Variants in SPTB observed in about 807,000 individuals in gnomAD.
SPTB encodes spectrin beta, erythrocytic.
A neutral mutation model predicts 256.2 loss-of-function variants in SPTB; 45 were observed. The observed-to-expected ratio is 0.18, with a 90% confidence interval of 0.14 to 0.23. SPTB has a LOEUF of 0.23. SPTB is among the 10% of genes least tolerant of loss of function. The probability of loss-of-function intolerance (pLI) is 1.00; values close to 1 mark genes in which losing one functional copy is unlikely to be tolerated. For missense variants in SPTB, 2,715 were observed against 3,040.4 expected (o/e 0.89, Z 2.52); for synonymous variants, 1,231 against 1,243.1 (o/e 0.99, Z 0.21).
chr14:64,803,463 T>C, intron 4 of SPTB, 144 bp downstream of exon 4: 1 of 1,028,582 alleles, frequency 9.7e-7, no homozygotes, highest in East Asian at 2.5e-5. Context: ...TACTCCTTCC[T>C]ACAAGCACTG....
At chr14:64,751,279 C>G (rs927565878) in intron 33 of SPTB, among the ~76,000 whole-genome samples, 2 of 151,732 alleles carry the variant, frequency 1.3e-5, no homozygotes, top group Admixed American at 6.6e-5. Flanking sequence ...GCCACCACAC[C>G]CAGCTAATTT....
chr14:64,861,506 CT>C (rs1034265347), intron 1 of SPTB, among the ~76,000 whole-genome samples: 22 of 152,266 alleles, frequency 1.4e-4, no homozygotes, highest in African/African-American at 5.3e-4. Context: ...CACTGACCGG[CT>C]CCCCCACCCA....
chr14:64,804,058 C>T (rs547963150), intron 3 of SPTB, among the ~76,000 whole-genome samples: 27 of 152,214 alleles, frequency 1.8e-4, no homozygotes, highest in South Asian at 2.1e-4. Context: ...CATTTGCTTA[C>T]GGTAACATAA....
At position 64,791,843 on chromosome 14, in the gene SPTB, C is replaced by G; in HGVS notation, c.2680G>C (p.Asp894His). The change falls in exon 15 of 36, where the codon GAC becomes CAC. Residue 894 changes from aspartate (D) to histidine (H), a missense_variant. Physicochemically the swap from Asp to His is moderately conservative, Grantham distance 81. Transcript: ENST00000644917. ...GTCATCAAGGTCTTCATCTCCTGGTCCAGGATGTCGAACCTGATATGGGCA... is the reference window on the plus strand; with the variant it reads ...GTCATCAAGGTCTTCATCTCCTGGTGCAGGATGTCGAACCTGATATGGGCA... ...EVVQHRFDIL[D>H]QEMKTLMTQI... The G allele has an allele frequency of 3.1e-6, 5 of 1,614,170 alleles. No individual in the cohort carries two copies. The highest frequency in any genetic ancestry group is 4.2e-6 in the Non-Finnish European group (5 of 1,180,042).
intron 33 of SPTB, among the ~76,000 whole-genome samples, chr14:64,752,807 G>A (rs1430332396): frequency 6.6e-6 from 1 of 152,124 alleles, no homozygotes; most frequent in East Asian, 1.9e-4. Context: ...GCTGTCCCTG[G>A]GAATATGGCT....
chr14:64,753,448 A>G lies in SPTB; in HGVS notation c.6602+89T>C, dbSNP rs912761338. 9.4e-6 allele frequency: 15 copies of G among 1,598,676 alleles called. No homozygotes were observed. The Admixed American group carries it at 1.0e-4, about 11-fold the overall frequency. ...AGGCAGAAGGCACCCCTCCCCCAGC[A>G]CATGCCCATGTCACCAAGGCTCTGC... On this transcript the variant is annotated intron_variant, in intron 33 of 35. Transcript: ENST00000644917.
Position 64,808,314 on chromosome 14 carries a change from C to T in SPTB, c.149-3224G>A, listed in dbSNP as rs556416358. Among the ~76,000 whole-genome samples the T allele has an allele frequency of 7.2e-5, 11 of 152,160 alleles. No individual in the cohort carries two copies. In the South Asian group the frequency reaches 2.1e-3, roughly 29 times the overall value. Reference sequence around the variant, plus strand: ...GGCATGAGCCACCGTGCATGGCCCTCTCTGTTCCTTTCTTTCCCTTTCCTT... The same window carrying T: ...GGCATGAGCCACCGTGCATGGCCCTTTCTGTTCCTTTCTTTCCCTTTCCTT... On this transcript the variant is annotated intron_variant, in intron 2 of 35. Transcript: ENST00000644917.
chr14:64,761,367 G>A (rs1213262618), intron 32 of SPTB, among the ~76,000 whole-genome samples: 1 of 152,224 alleles, frequency 6.6e-6, no homozygotes, highest in Non-Finnish European at 1.5e-5. Context: ...AAAGGAGAAA[G>A]CAGAAGCTGT....
chr14:64,849,115 T>A (rs1218055394), intron 1 of SPTB, among the ~76,000 whole-genome samples: 2 of 152,258 alleles, frequency 1.3e-5, no homozygotes, highest in Non-Finnish European at 2.9e-5. Context: ...TTATTTATCC[T>A]CCTTTGTGTA....
rs757201845 is a variant in SPTB, at chr14:64,793,262, G to A, written c.2401C>T (p.His801Tyr). 1.1e-5 allele frequency: 17 copies of A among 1,607,370 alleles called. No individual in the cohort carries two copies. In the South Asian group the frequency reaches 1.4e-4, roughly 13 times the overall value. Reference sequence around the variant, plus strand: ...AATCCCTGGGCCTGCTGCTCCAGGTGCTCCATCACCCCACGGCTCTCCTCC... The same window carrying A: ...AATCCCTGGGCCTGCTGCTCCAGGTACTCCATCACCCCACGGCTCTCCTCC... Reference protein sequence around the residue: ...ELEESRGVMEHLEQQAQGFPE... With the variant: ...ELEESRGVMEYLEQQAQGFPE... Residue 801 changes from histidine to tyrosine, a missense_variant, in exon 14 of 36, where the codon CAC becomes TAC. His to Tyr is a moderately conservative substitution (Grantham distance 83, BLOSUM62 2). Around this residue, in one of 4 missense-constraint regions of SPTB, gnomAD observed 2,239 missense variants for 2,384.4 expected, o/e 0.94. Transcript: ENST00000644917. The surrounding 1 kb of genome is among the most constrained non-coding windows in gnomAD (Gnocchi z 7.0).
chr14:64,800,319 A>G (rs1305839765), intron 8 of SPTB, among the ~76,000 whole-genome samples: 3 of 152,250 alleles, frequency 2.0e-5, no homozygotes, highest in African/African-American at 7.2e-5. Context: ...AACATGAGGC[A>G]CAGAGATGAA....
intron 32 of SPTB, among the ~76,000 whole-genome samples, chr14:64,765,805 GGTGTGTGTGTGTGTGA>G (rs1419494544): frequency 1.3e-4 from 19 of 149,068 alleles, no homozygotes; most frequent in South Asian, 4.3e-4. Context: ...GAGTGATTGG[GGTGTGTGTGTGTGTGA>G]GTGTGTGTGT....
In SPTB at chr14:64,750,036, C is replaced by T; in HGVS notation, c.6721G>A (p.Ala2241Thr). ...TAGTTGGCAGCAATCTCACAGATGG[C>T]ATGTCTCAGGGCCAGGGGTTCCTCC... ...HGEEPLALRHAICEIAANYKK... is the reference protein window; with the variant it reads ...HGEEPLALRHTICEIAANYKK... Residue 2241 changes from alanine (A) to threonine (T), a missense_variant, in exon 34 of 36, where the codon GCC becomes ACC. Physicochemically the swap from Ala to Thr is moderately conservative, Grantham distance 58. Around this residue, in one of 4 missense-constraint regions of SPTB, gnomAD observed 2,239 missense variants for 2,384.4 expected, o/e 0.94. Coordinates refer to ENST00000644917, the MANE Select transcript of SPTB (RefSeq NM_001355436.2). 6.2e-7 allele frequency: 1 copy of T among 1,614,242 alleles called. No individual in the cohort carries two copies. The highest frequency in any genetic ancestry group is 8.5e-7 in the Non-Finnish European group (1 of 1,180,044).
In SPTB at chr14:64,797,783, G is replaced by T; in HGVS notation, c.1128C>A (p.Asn376Lys). Reference protein sequence around the residue: ...LFTIQSRMRANNQKVYTPHDG... With the variant: ...LFTIQSRMRAKNQKVYTPHDG... ...CGTGGGGTGTGTACACTTTCTGATT[G>T]TTGGCTCTCATCCGGGACTGGATGG... Residue 376 changes from asparagine (N) to lysine (K), a missense_variant, in exon 10 of 36, where the codon AAC (asparagine) becomes AAA (lysine). Asn to Lys is a moderately conservative substitution (Grantham distance 94). Transcript: ENST00000644917. The T allele has an allele frequency of 6.2e-7, 1 of 1,614,148 alleles. No individual in the cohort carries two copies.
In SPTB at chr14:64,802,649, T is replaced by C. The variant is rs1437473480; in HGVS notation, c.475-332A>G. Among the ~76,000 whole-genome samples the C allele has an allele frequency of 2.6e-5, 4 of 152,188 alleles. No homozygotes were observed. The highest frequency in any genetic ancestry group is 9.7e-5 in the African/African-American group (4 of 41,430). ...ACAAACATTGATTCTGTTCCTATTA[T>C]GTGGCAGCGCTGTGCTAGGCCTGAG... On this transcript the variant is annotated intron_variant, in intron 4 of 35. Transcript: ENST00000644917. The surrounding 1 kb of genome is among the most constrained non-coding windows in gnomAD (Gnocchi z 5.1).
At position 64,760,979 on chromosome 14, in the gene SPTB, T is replaced by A. The variant is rs2082085707; in HGVS notation, c.6345+5747A>T. Among the ~76,000 whole-genome samples the A allele has an allele frequency of 6.6e-6, 1 of 152,208 alleles. No individual in the cohort carries two copies. ...TGCCCGATGGGGTTCACAGTCTAAATGAGATGATCCTGGCTTATGCAAAAC... is the reference window on the plus strand; with the variant it reads ...TGCCCGATGGGGTTCACAGTCTAAAAGAGATGATCCTGGCTTATGCAAAAC... On this transcript the variant is annotated intron_variant, in intron 32 of 35. Coordinates refer to ENST00000644917, the MANE Select transcript of SPTB (RefSeq NM_001355436.2). This position sits in a 1 kb window ranked among gnomAD's most constrained non-coding sequence, Gnocchi z 4.3.
chr14:64,789,760 G>T (rs1000093700), intron 15 of SPTB, among the ~76,000 whole-genome samples: 3 of 152,316 alleles, frequency 2.0e-5, no homozygotes, highest in Non-Finnish European at 4.4e-5. Flanking sequence ...TAGAATGTAA[G>T]ATAGGATATG....
intron 1 of SPTB, among the ~76,000 whole-genome samples, chr14:64,878,322 G>A (rs1594868088): frequency 6.6e-6 from 1 of 152,080 alleles, no homozygotes; most frequent in Non-Finnish European, 1.5e-5. Context: ...TAGCCTGCAA[G>A]CCTCCAGGCA....
chr14:64,834,537 C>T (rs887647142), intron 1 of SPTB, among the ~76,000 whole-genome samples: 2 of 151,722 alleles, frequency 1.3e-5, no homozygotes, highest in African/African-American at 4.8e-5. Context: ...ACAGTTCTCC[C>T]ACCTCAGCCT....
Sources: allele counts gnomAD v4.1 joint callset (sites outside exome capture counted in the v4.1 genomes callset), GRCh38; gene constraint gnomAD v4.1.1; regional missense constraint gnomAD v4.1.1; non-coding constraint Gnocchi (gnomAD v3.1); transcripts MANE v1.5; gene names NCBI Gene and HGNC (gene_info 2026-07-23, HGNC 2026-07-21).